The following PDZD8 variants were observed in gnomAD, a reference collection of about 807,000 sequenced individuals.
PDZD8 encodes the protein PDZ domain-containing protein 8.
Under a neutral mutation model 85.8 loss-of-function variants are expected in PDZD8, and 14 were observed. That is an observed-to-expected ratio of 0.16 (90% CI 0.11 to 0.26). The LOEUF (loss-of-function observed/expected upper bound fraction) is 0.26, where lower values mean the gene tolerates loss of function less well. Ranked by LOEUF, PDZD8 falls within the 10% of genes least tolerant of loss-of-function variation. PDZD8 has a pLI of 1.00. For missense variants in PDZD8, 1,197 were observed against 1,424.3 expected, an observed-to-expected ratio of 0.84 and a Z score of 2.57; for synonymous variants, 592 against 568.6, an observed-to-expected ratio of 1.04 and a Z score of -0.59.
chr10:117,285,968 T>A (rs925508403), intron 4 of PDZD8, among the ~76,000 whole-genome samples: 4 of 152,190 alleles, frequency 2.6e-5, no homozygotes, highest in African/African-American at 9.6e-5. Context: ...TTGAAAATAA[T>A]GTAGCAAAAT....
chr10:117,311,140 A>C (rs571305127), intron 3 of PDZD8, among the ~76,000 whole-genome samples: 1 of 152,348 alleles, frequency 6.6e-6, no homozygotes, highest in South Asian at 2.1e-4. Flanking sequence ...ATACACATAG[A>C]GTAAGAAATG....
rs548400195 is a variant in PDZD8 at position 117,338,402 on chromosome 10, A to G, written c.995+2578T>C. Reference sequence around the variant, plus strand: ...TATCACTTGGGGAAAGGTGCTGGCTATATAACCTAAGCCGACAGTTACATA... The same window carrying G: ...TATCACTTGGGGAAAGGTGCTGGCTGTATAACCTAAGCCGACAGTTACATA... On this transcript the variant is annotated intron_variant, in intron 2 of 4. Coordinates refer to ENST00000334464, the MANE Select transcript of PDZD8 (RefSeq NM_173791.5). Among the ~76,000 whole-genome samples the G allele has an allele frequency of 7.4e-4, 113 of 152,336 alleles. 1 individual carries two copies. The highest frequency in any genetic ancestry group is 1.4e-3 in the Admixed American group (21 of 15,300).
chr10:117,360,554 C>G (rs1335506388), intron 1 of PDZD8, among the ~76,000 whole-genome samples: 2 of 152,008 alleles, frequency 1.3e-5, no homozygotes, highest in Non-Finnish European at 2.9e-5. Flanking sequence ...CCTTGATTCT[C>G]ACAACTCATA....
chr10:117,370,616 T>G (rs1845171970), intron 1 of PDZD8, among the ~76,000 whole-genome samples: 1 of 152,004 alleles, frequency 6.6e-6, no homozygotes, highest in Non-Finnish European at 1.5e-5. Context: ...CCGAGGTGGG[T>G]AGACTGCCTG....
intron 1 of PDZD8, among the ~76,000 whole-genome samples, chr10:117,367,038 T>C (rs573439864): frequency 1.3e-5 from 2 of 152,382 alleles, no homozygotes; most frequent in African/African-American, 2.4e-5. Flanking sequence ...ATCTACTTTA[T>C]AATGATCTGC....
At chr10:117,306,092 C>G (rs1843938583) in intron 3 of PDZD8, among the ~76,000 whole-genome samples, 1 of 152,156 alleles carries the variant, frequency 6.6e-6, no homozygotes, top group South Asian at 2.1e-4. Context: ...GATGAAAATA[C>G]AAGTGACCCC....
At chr10:117,314,076 T>A (rs183980471) in intron 3 of PDZD8, 11 of 152,312 alleles carry the variant, frequency 7.2e-5, no homozygotes, top group Admixed American at 5.2e-4. Flanking sequence ...GTCAGAAGAC[T>A]TTGGCTCTTT....
intron 2 of PDZD8, among the ~76,000 whole-genome samples, chr10:117,324,098 C>T (rs1227883622): frequency 6.7e-6 from 1 of 149,998 alleles, no homozygotes; most frequent in Non-Finnish European, 1.5e-5. Context: ...TGTGGTAGTG[C>T]ACACCTGTAA....
chr10:117,358,044 G>A (rs1265937028), intron 1 of PDZD8, among the ~76,000 whole-genome samples: 1 of 152,034 alleles, frequency 6.6e-6, no homozygotes, highest in East Asian at 1.9e-4. Flanking sequence ...TTAAAGATGA[G>A]TGACAGATCA....
rs1332701365 is a variant in PDZD8 at position 117,279,505 on chromosome 10, G to C, written c.*3763C>G. On this transcript the variant is annotated 3_prime_UTR_variant, in exon 5 of 5. Coordinates refer to ENST00000334464, the MANE Select transcript of PDZD8 (RefSeq NM_173791.5). ...ATACATAAGGTATCATTTTGACTGT[G>C]GATATTTAATTAAAAACTATTTTTC... 6.6e-6 allele frequency: 1 copy of C among 152,122 alleles called. No homozygotes were observed. The allele number at this position is 152,122 out of a possible 1,614,324, so 9.4% of individuals were successfully genotyped here. A position where few individuals can be genotyped will look rare whatever the true frequency, so the allele number is the denominator to read the frequency against.
chr10:117,288,865 T>C (rs1031805635), intron 4 of PDZD8, among the ~76,000 whole-genome samples: 3 of 152,228 alleles, frequency 2.0e-5, no homozygotes, highest in African/African-American at 4.8e-5. Flanking sequence ...GCTTTTTCAC[T>C]CTGTATACAT....
chr10:117,283,719 T>G lies in PDZD8; in HGVS notation c.3014A>C (p.Glu1005Ala). ...GAAAACACTGTCATCCAGACCACCC[T>G]CTTTTCTCACTAACTTTATTCCTGT... ...NSTGIKLVRK[E>A]GGLDDSVFIA... The change falls in exon 5 of 5, where the codon GAG becomes GCG. Residue 1005 changes from glutamate to alanine, a missense_variant. Physicochemically the swap from Glu to Ala is moderately radical, Grantham distance 107. Coordinates refer to ENST00000334464, the MANE Select transcript of PDZD8 (RefSeq NM_173791.5). The G allele has an allele frequency of 6.2e-7, 1 of 1,614,196 alleles. No homozygotes were observed. Among genetic ancestry groups the G allele is most frequent in the Non-Finnish European group, 8.5e-7 (1 of 1,180,032 alleles).
At chr10:117,315,999 A>T (rs1052553328) in intron 3 of PDZD8, among the ~76,000 whole-genome samples, 4 of 152,216 alleles carry the variant, frequency 2.6e-5, no homozygotes, top group African/African-American at 9.6e-5. Context: ...AATAAATCAC[A>T]AATTGCACTG....
At chr10:117,356,187 C>T (rs930755309) in intron 1 of PDZD8, among the ~76,000 whole-genome samples, 23 of 151,858 alleles carry the variant, frequency 1.5e-4, no homozygotes, top group African/African-American at 5.6e-4. Flanking sequence ...GAGTTTCCTA[C>T]AGATTCTATT....
chr10:117,310,819 A>G (rs1844024400), intron 3 of PDZD8, among the ~76,000 whole-genome samples: 1 of 152,178 alleles, frequency 6.6e-6, no homozygotes, highest in South Asian at 2.1e-4. Context: ...ATGGTTAAAT[A>G]GGAGCACCAA....
chr10:117,284,899 G>A lies in PDZD8; in HGVS notation c.1834C>T (p.Pro612Ser), dbSNP rs756765295. 3.1e-6 allele frequency: 5 copies of A among 1,614,188 alleles called. No individual in the cohort carries two copies. The highest frequency in any genetic ancestry group is 4.2e-6 in the Non-Finnish European group (5 of 1,180,034). ...PSADAPNQAE[P>S]DVLVEKPEKV... ...TCTGGCTTTTCAACGAGAACATCTG[G>A]TTCTGCCTGATTTGGAGCATCGGCG... is the stretch of plus-strand genomic sequence containing the variant. Residue 612 changes from proline (P) to serine (S), a missense_variant, in exon 5 of 5, where the codon CCA becomes TCA. Transcript: ENST00000334464.
intron 1 of PDZD8, among the ~76,000 whole-genome samples, chr10:117,357,092 C>G (rs1056799605): frequency 6.6e-6 from 1 of 152,168 alleles, no homozygotes; most frequent in Non-Finnish European, 1.5e-5. Flanking sequence ...TTATGTTAAA[C>G]TGCTATTTAG....
At chr10:117,339,128 CAAAAAAAAAAAAA>C (rs71013660) in intron 2 of PDZD8, among the ~76,000 whole-genome samples, 6 of 129,386 alleles carry the variant, frequency 4.6e-5, no homozygotes, top group Non-Finnish European at 8.0e-5. Context: ...TGGACTTAAC[CAAAAAAAAAAAAA>C]AAAAAAAAAA....
chr10:117,313,894 C>T (rs952881510), intron 3 of PDZD8, among the ~76,000 whole-genome samples: 3 of 152,068 alleles, frequency 2.0e-5, no homozygotes, highest in Non-Finnish European at 2.9e-5. Flanking sequence ...CATGGCTGAT[C>T]GTATTTTGAA....
Sources: gnomAD v4.1 joint callset for allele counts (sites outside exome capture counted in the v4.1 genomes callset) on GRCh38, gnomAD v4.1.1 for gene constraint, MANE v1.5 for transcripts, NCBI Gene and HGNC (gene_info 2026-07-23, HGNC 2026-07-21) for gene names.